Variants in FRMD4A observed in about 807,000 individuals in gnomAD.
FRMD4A encodes FERM domain containing 4A.
In FRMD4A, 29 loss-of-function variants were observed where a neutral mutation model predicts 129.1. The ratio of observed to expected loss-of-function variants is 0.22; its 90% confidence interval spans 0.17 to 0.31. FRMD4A has a LOEUF of 0.31. Among genes scored for constraint, FRMD4A ranks in the 10% least tolerant of loss-of-function variants. FRMD4A has a pLI of 1.00. For synonymous variants in FRMD4A, 634 were observed against 571.6 expected (o/e 1.11, Z -1.56); for missense variants, 1,272 against 1,375.8 (o/e 0.92, Z 1.19).
intron 12 of FRMD4A, chr10:13,729,321 A>T (rs1297008456): frequency 6.6e-6 from 1 of 152,242 alleles, no homozygotes; most frequent in Non-Finnish European, 1.5e-5. Flanking sequence ...GGGAATGTGG[A>T]TGCTGGAATG....
At chr10:14,039,985 C>G (rs977510983) in intron 2 of FRMD4A, among the ~76,000 whole-genome samples, 2 of 152,176 alleles carry the variant, frequency 1.3e-5, no homozygotes, top group African/African-American at 4.8e-5. Context: ...GTCATCTCAT[C>G]TAATCTTTGC....
At chr10:13,710,189 G>C (rs1361764874) in intron 12 of FRMD4A, among the ~76,000 whole-genome samples, 1 of 152,170 alleles carries the variant, frequency 6.6e-6, no homozygotes, top group East Asian at 1.9e-4. Flanking sequence ...GAGAAGGAAA[G>C]AAAGCAGAAC....
At chr10:13,963,182 G>T (rs1415481260) in intron 2 of FRMD4A, among the ~76,000 whole-genome samples, 1 of 151,044 alleles carries the variant, frequency 6.6e-6, no homozygotes, top group East Asian at 1.9e-4. Flanking sequence ...CTTAATGAAT[G>T]CCTGAAAAAA....
At chr10:14,025,483 G>T (rs1268136104) in intron 2 of FRMD4A, among the ~76,000 whole-genome samples, 1 of 152,124 alleles carries the variant, frequency 6.6e-6, no homozygotes, top group African/African-American at 2.4e-5. Context: ...CTCTTCCTGG[G>T]ATGGACAAGG....
chr10:14,064,093 G>A (rs932643101), intron 2 of FRMD4A, among the ~76,000 whole-genome samples: 2 of 152,188 alleles, frequency 1.3e-5, no homozygotes, highest in Admixed American at 6.5e-5. Context: ...AATTTTGCTG[G>A]GAAGTGCTCA....
chr10:13,968,888 C>T (rs185925629), intron 2 of FRMD4A, among the ~76,000 whole-genome samples: 1 of 152,274 alleles, frequency 6.6e-6, no homozygotes, highest in African/African-American at 2.4e-5. Flanking sequence ...AAGGTAGCTG[C>T]TCTCTGCACT....
chr10:14,124,501 C>G (rs1237894005), intron 2 of FRMD4A, among the ~76,000 whole-genome samples: 1 of 151,890 alleles, frequency 6.6e-6, no homozygotes, highest in East Asian at 1.9e-4. Flanking sequence ...TATGGTGAAA[C>G]CTCATCTCTA....
chr10:14,216,392 T>C (rs1179274717), intron 2 of FRMD4A, among the ~76,000 whole-genome samples: 1 of 152,160 alleles, frequency 6.6e-6, no homozygotes, highest in African/African-American at 2.4e-5. Context: ...AAGAGAAGGC[T>C]GGGCGCAATG....
chr10:13,659,539 T>C, intron 20 of FRMD4A, 49 bp from the exon 21 acceptor site: 1 of 1,565,990 alleles, frequency 6.4e-7, no homozygotes, highest in Non-Finnish European at 8.7e-7. Flanking sequence ...GACAGCACCT[T>C]TCCTGGGGGG....
At chr10:14,304,589 C>A (rs1218330602) in intron 2 of FRMD4A, among the ~76,000 whole-genome samples, 1 of 152,138 alleles carries the variant, frequency 6.6e-6, no homozygotes, top group Non-Finnish European at 1.5e-5. Flanking sequence ...TCTCCTGTGG[C>A]CTGGGAGCAC....
intron 2 of FRMD4A, among the ~76,000 whole-genome samples, chr10:14,029,890 G>A (rs2447040): frequency 0.18 from 27,652 of 151,808 alleles, 3,815 homozygotes; most frequent in African/African-American, 0.39. Context: ...TAAAGGTCCA[G>A]TTTCATTATT....
chr10:13,863,238 T>G (rs2094318170), intron 2 of FRMD4A, among the ~76,000 whole-genome samples: 1 of 152,212 alleles, frequency 6.6e-6, no homozygotes, highest in Non-Finnish European at 1.5e-5. Flanking sequence ...TGCAGAAACA[T>G]GTAAACACAT....
intron 2 of FRMD4A, among the ~76,000 whole-genome samples, chr10:14,292,212 T>G (rs1440869254): frequency 1.3e-5 from 2 of 152,176 alleles, no homozygotes; most frequent in Non-Finnish European, 2.9e-5. Flanking sequence ...AAACATAACT[T>G]GGAAGGAGGA....
At chr10:13,947,276 T>A (rs1229750952) in intron 2 of FRMD4A, among the ~76,000 whole-genome samples, 1 of 152,190 alleles carries the variant, frequency 6.6e-6, no homozygotes, top group East Asian at 1.9e-4. Context: ...GCACTCTCTA[T>A]ATACACTTAA....
chr10:14,123,178 A>G (rs192925496), intron 2 of FRMD4A, among the ~76,000 whole-genome samples: 11 of 152,326 alleles, frequency 7.2e-5, no homozygotes, highest in Admixed American at 4.6e-4. Context: ...TGACCCTTGC[A>G]AGTTGCTGAG....
chr10:13,897,164 C>G (rs1185414490), intron 2 of FRMD4A, among the ~76,000 whole-genome samples: 1 of 152,210 alleles, frequency 6.6e-6, no homozygotes, highest in Non-Finnish European at 1.5e-5. Flanking sequence ...ATTTAGAGTG[C>G]TTCCATTTTC....
intron 14 of FRMD4A, among the ~76,000 whole-genome samples, chr10:13,696,145 T>C (rs1486324549): frequency 1.3e-5 from 2 of 152,230 alleles, no homozygotes; most frequent in Non-Finnish European, 2.9e-5. Flanking sequence ...CGAATTTCCT[T>C]GTTCATAAAA....
intron 2 of FRMD4A, among the ~76,000 whole-genome samples, chr10:14,081,675 A>G (rs1835938547): frequency 6.6e-6 from 1 of 152,242 alleles, no homozygotes; most frequent in South Asian, 2.1e-4. Context: ...TTTATCATGC[A>G]AAGCTCTGTG....
At chr10:14,326,859 C>A (rs536258664) in intron 2 of FRMD4A, 1 of 398,492 alleles carries the variant, frequency 2.5e-6, no homozygotes, top group African/African-American at 2.1e-5. Flanking sequence ...TATCTTCTTT[C>A]GCTGCCTGAG....
Sources: allele counts gnomAD v4.1 joint callset (sites outside exome capture counted in the v4.1 genomes callset), GRCh38; gene constraint gnomAD v4.1.1; transcripts MANE v1.5; gene names NCBI Gene and HGNC (gene_info 2026-07-23, HGNC 2026-07-21).